The following GPC6 variants were observed in gnomAD, a reference collection of about 807,000 sequenced individuals.
GPC6 encodes glypican 6.
Under a neutral mutation model 55.2 loss-of-function variants are expected in GPC6, and 14 were observed. The observed-to-expected ratio is 0.25, with a 90% CI of 0.17 to 0.40. The LOEUF (loss-of-function observed/expected upper bound fraction) is 0.40. Ranked by LOEUF, GPC6 falls within the 10% of genes least tolerant of loss-of-function variation. The pLI, the probability that GPC6 is intolerant of heterozygous loss-of-function variation, is 1.00. For missense variants in GPC6, 641 were observed against 708.5 expected, an observed-to-expected ratio of 0.90 and a Z score of 1.08; for synonymous variants, 278 against 259.6, an observed-to-expected ratio of 1.07 and a Z score of -0.68.
intron 6 of GPC6, among the ~76,000 whole-genome samples, chr13:94,340,211 G>C (rs1041171142): frequency 6.6e-6 from 1 of 152,130 alleles, no homozygotes; most frequent in Non-Finnish European, 1.5e-5. Context: ...GTAATAGCAG[G>C]ACTGGGATTT....
At chr13:93,580,808 G>A (rs1876900467) in intron 2 of GPC6, among the ~76,000 whole-genome samples, 1 of 152,118 alleles carries the variant, frequency 6.6e-6, no homozygotes, top group African/African-American at 2.4e-5. Context: ...CAAGTCAGAG[G>A]AGTTCTAAGT....
chr13:93,538,270 G>A (rs1191903936), intron 1 of GPC6, among the ~76,000 whole-genome samples: 1 of 152,140 alleles, frequency 6.6e-6, no homozygotes, highest in East Asian at 1.9e-4. Flanking sequence ...TTTTCTCCAT[G>A]TGTGTAGAAG....
At chr13:93,458,608 A>G (rs1878560639) in intron 1 of GPC6, among the ~76,000 whole-genome samples, 1 of 152,164 alleles carries the variant, frequency 6.6e-6, no homozygotes, top group African/African-American at 2.4e-5. Context: ...GAACGTAGAA[A>G]ATTGGGGAAA....
chr13:94,265,601 G>C (rs1455658836), intron 4 of GPC6, among the ~76,000 whole-genome samples: 1 of 152,104 alleles, frequency 6.6e-6, no homozygotes, highest in Non-Finnish European at 1.5e-5. Context: ...CAATCAAATT[G>C]ACACTCAGTA....
intron 3 of GPC6, among the ~76,000 whole-genome samples, chr13:93,851,421 T>C (rs183665726): frequency 3.3e-4 from 50 of 151,988 alleles, no homozygotes; most frequent in Admixed American, 2.0e-3. Flanking sequence ...AAAATTGGCA[T>C]AGCACTTTGT....
At chr13:94,153,441 G>A (rs557038) in intron 4 of GPC6, among the ~76,000 whole-genome samples, 130,384 of 152,172 alleles carry the variant, frequency 0.86, 56,109 homozygotes, top group East Asian at 0.98. Context: ...ATAAATAGCA[G>A]CAAGTCTTTA....
chr13:93,454,119 A>C (rs1039955954), intron 1 of GPC6, among the ~76,000 whole-genome samples: 2 of 151,526 alleles, frequency 1.3e-5, no homozygotes, highest in African/African-American at 4.9e-5. Flanking sequence ...CTAGATACAG[A>C]GTGTGGATTG....
chr13:93,676,450 AT>A (rs2139636563), intron 2 of GPC6, among the ~76,000 whole-genome samples: 1 of 152,014 alleles, frequency 6.6e-6, no homozygotes, highest in South Asian at 2.1e-4. Context: ...GAATAAAAAA[AT>A]AAAATGGTAT....
At chr13:94,185,384 G>A (rs1889140013) in intron 4 of GPC6, among the ~76,000 whole-genome samples, 1 of 151,838 alleles carries the variant, frequency 6.6e-6, no homozygotes, top group Admixed American at 6.6e-5. Flanking sequence ...CACACATTAG[G>A]GTTATCACCA....
intron 2 of GPC6, among the ~76,000 whole-genome samples, chr13:93,624,044 A>G (rs1035296649): frequency 2.0e-5 from 3 of 151,850 alleles, no homozygotes; most frequent in Non-Finnish European, 4.4e-5. Context: ...AAGGCTTTGT[A>G]TTAATATTAT....
intron 4 of GPC6, among the ~76,000 whole-genome samples, chr13:94,146,031 C>T (rs1030065935): frequency 6.6e-6 from 1 of 152,154 alleles, no homozygotes; most frequent in African/African-American, 2.4e-5. Flanking sequence ...TTTAAATGAG[C>T]AAGTAACCAA....
chr13:94,221,339 T>C (rs1434680417), intron 4 of GPC6, among the ~76,000 whole-genome samples: 3 of 152,122 alleles, frequency 2.0e-5, no homozygotes, highest in East Asian at 1.9e-4. Flanking sequence ...AGTCTTCTAA[T>C]GGAGCTAATA....
chr13:93,789,374 T>C (rs9524212), intron 2 of GPC6, among the ~76,000 whole-genome samples: 49,694 of 150,318 alleles, frequency 0.33, 8,671 homozygotes, highest in African/African-American at 0.44. Flanking sequence ...AGAATAATGA[T>C]GTGGCTCCTA....
chr13:93,933,957 C>T (rs532164878), intron 3 of GPC6, among the ~76,000 whole-genome samples: 1 of 152,316 alleles, frequency 6.6e-6, no homozygotes, highest in East Asian at 1.9e-4. Context: ...AAGGAAATAG[C>T]TTCACATCCC....
chr13:94,407,161 C>A lies in GPC6; in HGVS notation c.*3944C>A, dbSNP rs181707869. On this transcript the variant is annotated 3_prime_UTR_variant, in exon 9 of 9. Coordinates refer to ENST00000377047, the MANE Select transcript of GPC6 (RefSeq NM_005708.5). ...AACTTCATTCAAAGTTGAGTAGTTA[C>A]TGGAACCTTTGACATTGCCTTGTAA... is the stretch of plus-strand genomic sequence containing the variant. The A allele has an allele frequency of 5.3e-5, 8 of 152,176 alleles. No homozygotes were observed. The East Asian group carries it at 1.5e-3, about 29-fold the overall frequency. 9.4% of individuals were successfully genotyped at this position (152,176 alleles called of 1,614,324 possible). A position where few individuals can be genotyped will look rare whatever the true frequency, so the allele number is the denominator to read the frequency against.
At chr13:93,666,012 G>T (rs1295870144) in intron 2 of GPC6, among the ~76,000 whole-genome samples, 1 of 152,088 alleles carries the variant, frequency 6.6e-6, no homozygotes, top group Non-Finnish European at 1.5e-5. Context: ...TCAATGTAAA[G>T]ATTGAAAAAT....
intron 4 of GPC6, among the ~76,000 whole-genome samples, chr13:94,188,270 G>A (rs1166355988): frequency 6.6e-6 from 1 of 152,150 alleles, no homozygotes; most frequent in Non-Finnish European, 1.5e-5. Flanking sequence ...GTCACTGAGA[G>A]GAAGGCCCAA....
At chr13:93,439,584 C>A (rs896695625) in intron 1 of GPC6, among the ~76,000 whole-genome samples, 2 of 151,804 alleles carry the variant, frequency 1.3e-5, no homozygotes, top group African/African-American at 4.8e-5. Flanking sequence ...ATCACTTGAA[C>A]CCGGGAGGTG....
intron 4 of GPC6, among the ~76,000 whole-genome samples, chr13:94,197,408 C>T (rs574772180): frequency 2.6e-5 from 4 of 152,286 alleles, no homozygotes; most frequent in Admixed American, 1.3e-4. Context: ...TCTTAAACAA[C>T]AGACATTTAT....
Sources: allele counts gnomAD v4.1 joint callset (sites outside exome capture counted in the v4.1 genomes callset), GRCh38; gene constraint gnomAD v4.1.1; transcripts MANE v1.5; gene names NCBI Gene and HGNC (gene_info 2026-07-23, HGNC 2026-07-21).